MAML2: variants seen among roughly 807,000 people sequenced by gnomAD.
MAML2 encodes the protein mastermind like transcriptional coactivator 2.
Under a neutral mutation model 96.1 loss-of-function variants are expected in MAML2, and 22 were observed. That is an observed-to-expected ratio of 0.23 (90% CI 0.16 to 0.33). The LOEUF (loss-of-function observed/expected upper bound fraction) is 0.33. MAML2 is among the 10% of genes least tolerant of loss of function. MAML2 has a pLI of 1.00. For synonymous variants in MAML2, 561 were observed against 521.3 expected, an observed-to-expected ratio of 1.08 and a Z score of -1.04; for missense variants, 1,367 against 1,392.4, an observed-to-expected ratio of 0.98 and a Z score of 0.29.
chr11:96,320,882 G>A (rs1863690793), intron 1 of MAML2, among the ~76,000 whole-genome samples: 1 of 152,194 alleles, frequency 6.6e-6, no homozygotes, highest in Non-Finnish European at 1.5e-5. Context: ...GAAAGTCAAT[G>A]TTTTCAAGAG....
At chr11:96,307,627 C>T (rs1012679845) in intron 1 of MAML2, among the ~76,000 whole-genome samples, 1 of 152,118 alleles carries the variant, frequency 6.6e-6, no homozygotes, top group African/African-American at 2.4e-5. Flanking sequence ...CTGCTTTCTC[C>T]AAGGGAATGA....
chr11:96,262,467 C>G (rs1862763052), intron 1 of MAML2, among the ~76,000 whole-genome samples: 1 of 147,826 alleles, frequency 6.8e-6, no homozygotes, highest in Non-Finnish European at 1.5e-5. Context: ...AAAATTTAAT[C>G]TTTTTTTTTT....
At chr11:96,015,503 T>C (rs1858331601) in intron 2 of MAML2, among the ~76,000 whole-genome samples, 2 of 141,014 alleles carry the variant, frequency 1.4e-5, no homozygotes, top group South Asian at 2.2e-4. Context: ...GCTTCTGACA[T>C]GTTTTCTATT....
chr11:96,153,265 A>G (rs1382466696), intron 1 of MAML2, among the ~76,000 whole-genome samples: 1 of 150,590 alleles, frequency 6.6e-6, no homozygotes, highest in Non-Finnish European at 1.5e-5. Context: ...TCCTTGTCCT[A>G]TCAAAACATC....
chr11:96,152,631 A>T (rs1401312393), intron 1 of MAML2, among the ~76,000 whole-genome samples: 2 of 152,244 alleles, frequency 1.3e-5, no homozygotes, highest in Non-Finnish European at 2.9e-5. Flanking sequence ...ACATGAACAC[A>T]TTTACCAGAA....
chr11:96,069,302 T>G (rs1033078670), intron 2 of MAML2, among the ~76,000 whole-genome samples: 2 of 152,172 alleles, frequency 1.3e-5, no homozygotes, highest in African/African-American at 4.8e-5. Flanking sequence ...TCTTTATCCT[T>G]CTTTCTTTTC....
intron 1 of MAML2, among the ~76,000 whole-genome samples, chr11:96,187,927 C>T (rs1018048942): frequency 6.6e-6 from 1 of 152,202 alleles, no homozygotes; most frequent in Non-Finnish European, 1.5e-5. Flanking sequence ...GCTTCTGACT[C>T]CAGCACTGTG....
intron 1 of MAML2, among the ~76,000 whole-genome samples, chr11:96,141,066 T>TATATAAA: frequency 6.6e-6 from 1 of 152,194 alleles, no homozygotes; most frequent in Admixed American, 6.5e-5. Context: ...ACCATACTGT[T>TATATAAA]GACCATATCT....
Position 96,120,524 on chromosome 11 carries a change from C to T in MAML2, c.514-27007G>A, listed in dbSNP as rs1860319926. Reference sequence around the variant, plus strand: ...CGGTGACACTTTACTCTTCCATCCTCTTTGTTAGTAAGTCTACCTCCCAGC... The same window carrying T: ...CGGTGACACTTTACTCTTCCATCCTTTTTGTTAGTAAGTCTACCTCCCAGC... On this transcript the variant is annotated intron_variant, in intron 1 of 4. Coordinates refer to ENST00000524717, the MANE Select transcript of MAML2 (RefSeq NM_032427.4). Among the ~76,000 whole-genome samples, 3 of 152,206 alleles carry T rather than the reference C, an allele frequency of 2.0e-5. No individual in the cohort carries two copies. The South Asian group carries it at 6.2e-4, about 32-fold the overall frequency.
chr11:96,138,741 CA>C lies in MAML2; in HGVS notation c.514-45225del, dbSNP rs552219230. ...TCCGAGACATAGTCCAGGAAGGCCC[CA>C]AAAAGCTTTCCAGGTAGAGATCGGT... On this transcript the variant is annotated intron_variant, in intron 1 of 4. Transcript: ENST00000524717. Among the ~76,000 whole-genome samples the C allele has an allele frequency of 1.6e-3, 243 of 152,010 alleles. 1 individual carries two copies. Among genetic ancestry groups the C allele is most frequent in the African/African-American group, 5.5e-3 (229 of 41,454 alleles).
At chr11:96,019,671 CTGATAA>C (rs1373466792) in intron 2 of MAML2, among the ~76,000 whole-genome samples, 1 of 108,440 alleles carries the variant, frequency 9.2e-6, no homozygotes. Context: ...CAGCCAAGGG[CTGATAA>C]TAATAATTAT....
intron 3 of MAML2, among the ~76,000 whole-genome samples, chr11:95,989,974 C>G (rs753310171): frequency 2.1e-4 from 32 of 152,124 alleles, no homozygotes; most frequent in Non-Finnish European, 2.9e-4. Flanking sequence ...AATTCACACC[C>G]AGGCTGCACC....
chr11:96,076,051 C>G (rs1198407669), intron 2 of MAML2, among the ~76,000 whole-genome samples: 1 of 152,226 alleles, frequency 6.6e-6, no homozygotes, highest in African/African-American at 2.4e-5. Flanking sequence ...ATTCTCCTCT[C>G]TCCTGCAAGG....
chr11:96,300,769 T>G (rs1211013311), intron 1 of MAML2, among the ~76,000 whole-genome samples: 1 of 152,132 alleles, frequency 6.6e-6, no homozygotes, highest in African/African-American at 2.4e-5. Context: ...ACCCAGAGGC[T>G]TCGGACAATG....
rs566411832 is a variant in MAML2, at chr11:96,131,164, C to G, written c.514-37647G>C. ...GGTAGAAATAAAAAGATACTCCAGA[C>G]ATTCCTGGGAAAGAGAACAGCATAC... On this transcript the variant is annotated intron_variant, in intron 1 of 4. Transcript: ENST00000524717. 2.0e-5 allele frequency among the ~76,000 whole-genome samples: 3 copies of G among 152,072 alleles called. No individual in the cohort carries two copies. In the South Asian group the frequency reaches 6.3e-4, roughly 32 times the overall value.
At chr11:96,032,687 C>T (rs1005671359) in intron 2 of MAML2, among the ~76,000 whole-genome samples, 1 of 151,610 alleles carries the variant, frequency 6.6e-6, no homozygotes, top group Non-Finnish European at 1.5e-5. Flanking sequence ...ATCATAGATT[C>T]ATACAATGTG....
In MAML2 at chr11:96,341,707, G is replaced by A. The variant is rs539799372; in HGVS notation, c.189C>T (p.Ala63=). 1.5e-5 allele frequency: 24 copies of A among 1,611,040 alleles called. No individual in the cohort carries two copies. The highest frequency in any genetic ancestry group is 8.0e-5 in the African/African-American group (6 of 74,860). The part of the protein sequence containing the change: ...SCEGRYERGR[A]ESSDREREST... ...TTTCTCTTTCCCGGTCTGAGCTCTC[G>A]GCCCTACCTCGTTCATATCGTCCTT... The change falls in exon 1 of 5, where the codon GCC becomes GCT. Residue 63 remains alanine, a synonymous_variant. Transcript: ENST00000524717.
intron 1 of MAML2, among the ~76,000 whole-genome samples, chr11:96,168,511 A>G (rs937552894): frequency 6.6e-6 from 1 of 152,136 alleles, no homozygotes; most frequent in African/African-American, 2.4e-5. Flanking sequence ...AACCCATTAA[A>G]TTTTCATATT....
At position 95,985,148 on chromosome 11, in the gene MAML2, T is replaced by A. The variant is rs905298012; in HGVS notation, c.2455+383A>T. On this transcript the variant is annotated intron_variant, in intron 4 of 4. Coordinates refer to ENST00000524717, the MANE Select transcript of MAML2 (RefSeq NM_032427.4). The stretch of plus-strand genomic sequence containing the variant: ...GAAACCTTGGAGATGGGCTCAATGG[T>A]GGATACAAAAAGACTAGGATTTGTG... 6.7e-4 allele frequency among the ~76,000 whole-genome samples: 102 copies of A among 152,176 alleles called. 1 individual carries two copies. The highest frequency in any genetic ancestry group is 2.4e-3 in the African/African-American group (101 of 41,442).
Sources: gnomAD v4.1 joint callset for allele counts (sites outside exome capture counted in the v4.1 genomes callset) on GRCh38, gnomAD v4.1.1 for gene constraint, MANE v1.5 for transcripts, NCBI Gene and HGNC (gene_info 2026-07-23, HGNC 2026-07-21) for gene names.